ESF1: variants seen among roughly 807,000 people sequenced by gnomAD.
ESF1 encodes ESF1 nucleolar pre-rRNA processing protein, also known as ESF1 homolog.
A neutral mutation model predicts 92.0 loss-of-function variants in ESF1; 58 were observed. The observed-to-expected ratio is 0.63, with a 90% CI of 0.51 to 0.78. The LOEUF is 0.78. Ranked by LOEUF, ESF1 falls within the 30% of genes least tolerant of loss-of-function variation. The pLI is 0.00. For synonymous variants in ESF1, 321 were observed against 313.7 expected (o/e 1.02, Z -0.24); for missense variants, 922 against 989.1 (o/e 0.93, Z 0.91).
chr20:13,753,399 T>A (rs1356637584), intron 9 of ESF1, among the ~76,000 whole-genome samples: 1 of 149,972 alleles, frequency 6.7e-6, no homozygotes, highest in Non-Finnish European at 1.5e-5. Flanking sequence ...CTGGCCCTCC[T>A]CCCCAGTGCC....
chr20:13,747,753 T>C (rs1339314109), intron 9 of ESF1, among the ~76,000 whole-genome samples: 1 of 152,184 alleles, frequency 6.6e-6, no homozygotes, highest in African/African-American at 2.4e-5. Flanking sequence ...AAATAGAGTA[T>C]ACTTACATAA....
intron 9 of ESF1, among the ~76,000 whole-genome samples, chr20:13,740,078 TG>T (rs1334698602): frequency 6.6e-6 from 1 of 152,230 alleles, no homozygotes; most frequent in East Asian, 1.9e-4. Context: ...GGTTTGTGGC[TG>T]GAATTCACAC....
At chr20:13,772,685 T>G (rs1979746692) in intron 4 of ESF1, 70 bp from the exon 5 acceptor site, 1 of 1,107,290 alleles carries the variant, frequency 9.0e-7, no homozygotes, top group Non-Finnish European at 1.4e-6. Flanking sequence ...CCTGTCGAAG[T>G]CAGGAACTCT....
intron 9 of ESF1, among the ~76,000 whole-genome samples, chr20:13,736,786 T>C (rs1469354684): frequency 6.6e-6 from 1 of 152,144 alleles, no homozygotes; most frequent in Non-Finnish European, 1.5e-5. Flanking sequence ...TCTTAGGAAA[T>C]AATATTTTTC....
At chr20:13,780,483 C>T (rs1980130525) in intron 2 of ESF1, among the ~76,000 whole-genome samples, 1 of 152,166 alleles carries the variant, frequency 6.6e-6, no homozygotes, top group Admixed American at 6.5e-5. Flanking sequence ...AGGTCTGCTG[C>T]CTGGTTCCAC....
intron 9 of ESF1, among the ~76,000 whole-genome samples, chr20:13,754,745 G>T (rs1978809064): frequency 6.6e-6 from 1 of 152,182 alleles, no homozygotes; most frequent in Non-Finnish European, 1.5e-5. Flanking sequence ...ATAAAAGTCA[G>T]ATTTGACTGC....
chr20:13,764,843 C>T lies in ESF1; in HGVS notation c.1666+1934G>A, dbSNP rs111805482. Among the ~76,000 whole-genome samples the T allele has an allele frequency of 5.7e-4, 87 of 151,932 alleles. 1 individual carries two copies. In the South Asian group the frequency reaches 0.017, roughly 30 times the overall value. The stretch of plus-strand genomic sequence containing the variant: ...CAGAAGAAAACCCATGTATAAGTGA[C>T]CTCACACAGTTCAAACCCGTGTTGT... On this transcript the variant is annotated intron_variant, in intron 8 of 13. Transcript: ENST00000617257.
chr20:13,782,860 ATTTTC>A lies in ESF1; in HGVS notation c.276_280del (p.Lys92AsnfsTer9). 1 of 1,598,482 alleles carries A rather than the reference ATTTTC, an allele frequency of 6.3e-7. No individual in the cohort carries two copies. Among genetic ancestry groups the A allele is most frequent in the Non-Finnish European group, 8.5e-7 (1 of 1,176,206 alleles). The stretch of plus-strand genomic sequence containing the variant: ...TTTAGTCTGGGTTTTTTTCTTCTTT[ATTTTC>A]TTTTGACTCAATGCTTTGCTATCTT... On this transcript the variant is annotated frameshift_variant, in exon 2 of 14. Coordinates refer to ENST00000617257, the MANE Select transcript of ESF1 (RefSeq NM_001276380.2). LOFTEE classifies it high-confidence loss of function.
At chr20:13,754,873 T>C (rs1353107446) in intron 9 of ESF1, among the ~76,000 whole-genome samples, 2 of 152,188 alleles carry the variant, frequency 1.3e-5, no homozygotes, top group South Asian at 2.1e-4. Flanking sequence ...CTCAGTTACT[T>C]CTGTCCTCCA....
Position 13,782,760 on chromosome 20 carries a change from A to G in ESF1, c.381T>C (p.Asn127=), listed in dbSNP as rs755400778. 15 of 1,596,148 alleles carry G rather than the reference A, an allele frequency of 9.4e-6. No individual in the cohort carries two copies. In the African/African-American group the frequency reaches 2.0e-4, roughly 22 times the overall value. The part of the protein sequence containing the change: ...TKKANHKGSE[N]KTDLDNSIGI... Reference sequence around the variant, plus strand: ...CTATAGAATTATCTAAATCAGTTTTATTTTCAGAACCCTTGTGATTAGCCT... The same window carrying G: ...CTATAGAATTATCTAAATCAGTTTTGTTTTCAGAACCCTTGTGATTAGCCT... Residue 127 remains asparagine, a synonymous_variant, in exon 2 of 14, where the codon AAT becomes AAC. Coordinates refer to ENST00000617257, the MANE Select transcript of ESF1 (RefSeq NM_001276380.2).
chr20:13,735,044 T>C (rs34033923), intron 9 of ESF1, among the ~76,000 whole-genome samples: 3,042 of 152,178 alleles, frequency 0.02, 51 homozygotes, highest in Middle Eastern at 0.061. Flanking sequence ...ATCTAAAACT[T>C]TGGGCCTCTG....
intron 9 of ESF1, among the ~76,000 whole-genome samples, chr20:13,752,181 C>T (rs922281466): frequency 7.9e-5 from 12 of 152,270 alleles, no homozygotes; most frequent in African/African-American, 2.9e-4. Context: ...TCAAACATGA[C>T]TCCAATCTTT....
At chr20:13,774,963 CCTATCA>C (rs1979858035) in intron 4 of ESF1, among the ~76,000 whole-genome samples, 188 bp downstream of exon 4, 1 of 151,904 alleles carries the variant, frequency 6.6e-6, no homozygotes, top group Non-Finnish European at 1.5e-5. Context: ...AATCATATAA[CCTATCA>C]ATAATAATAA....
chr20:13,733,969 G>A, intron 9 of ESF1, 127 bp from the exon 10 acceptor site: 1 of 1,074,528 alleles, frequency 9.3e-7, no homozygotes, highest in Non-Finnish European at 1.3e-6. Flanking sequence ...ACATGCAATG[G>A]TAAATATCTG....
intron 9 of ESF1, among the ~76,000 whole-genome samples, chr20:13,742,878 T>C (rs1381591146): frequency 1.3e-5 from 2 of 152,172 alleles, no homozygotes; most frequent in Admixed American, 1.3e-4. Context: ...AGAAACCCTG[T>C]TCCCGCCCTC....
At chr20:13,725,749 G>A (rs2049897060) in intron 11 of ESF1, among the ~76,000 whole-genome samples, 1 of 152,158 alleles carries the variant, frequency 6.6e-6, no homozygotes, top group Non-Finnish European at 1.5e-5. Context: ...ATGGTTTGAA[G>A]TACTATTTAC....
In ESF1 at chr20:13,782,518, C is replaced by A; in HGVS notation, c.623G>T (p.Arg208Ile). 1 of 1,516,396 alleles carries A rather than the reference C, an allele frequency of 6.6e-7. No homozygotes were observed. Among genetic ancestry groups the A allele is most frequent in the South Asian group, 1.4e-5 (1 of 72,966 alleles). 93.9% of individuals were successfully genotyped at this position (1,516,396 alleles called of 1,614,324 possible). ...SPRIECSKTR[R>I]EMQSVVQLIM... The stretch of plus-strand genomic sequence containing the variant: ...TTCCAACCTACCTGATTGCATTTCT[C>A]TTCTTGTCTTAGAACACTCGATTCT... The change falls in exon 2 of 14, where the codon AGA becomes ATA. Residue 208 changes from arginine to isoleucine, a missense_variant. Coordinates refer to ENST00000617257, the MANE Select transcript of ESF1 (RefSeq NM_001276380.2).
chr20:13,716,110 T>A (rs1056047171), intron 13 of ESF1, among the ~76,000 whole-genome samples: 3 of 152,184 alleles, frequency 2.0e-5, no homozygotes, highest in African/African-American at 7.2e-5. Flanking sequence ...AGAAGCCATC[T>A]GTATGCTACC....
intron 6 of ESF1, among the ~76,000 whole-genome samples, 174 bp downstream of exon 6, chr20:13,771,157 C>T (rs1600292238): frequency 6.6e-6 from 1 of 152,170 alleles, no homozygotes; most frequent in African/African-American, 2.4e-5. Context: ...AATACTTTAG[C>T]ACTGTCTTGT....
Sources: allele counts gnomAD v4.1 joint callset (sites outside exome capture counted in the v4.1 genomes callset), GRCh38; gene constraint gnomAD v4.1.1; transcripts MANE v1.5; gene names NCBI Gene and HGNC (gene_info 2026-07-23, HGNC 2026-07-21).